CCDC39: variants seen among roughly 807,000 people sequenced by gnomAD.
CCDC39 encodes the protein coiled-coil domain-containing protein 39.
CCDC39 carries 113 observed loss-of-function variants against 121.0 expected under a neutral mutation model. The ratio of observed to expected loss-of-function variants is 0.93; its 90% CI spans 0.80 to 1.09. CCDC39 has a LOEUF of 1.09. Among genes scored for constraint, CCDC39 ranks in the 50% least tolerant of loss-of-function variants. The probability of loss-of-function intolerance (pLI) is 0.00; values close to 1 mark genes in which losing one functional copy is unlikely to be tolerated. For missense variants in CCDC39, 1,063 were observed against 1,074.7 expected, an observed-to-expected ratio of 0.99 and a Z score of 0.15; for synonymous variants, 349 against 352.2, an observed-to-expected ratio of 0.99 and a Z score of 0.10.
chr3:180,653,789 G>A (rs371609828), intron 7 of CCDC39, among the ~76,000 whole-genome samples: 5 of 152,108 alleles, frequency 3.3e-5, no homozygotes, highest in East Asian at 3.8e-4. Flanking sequence ...AAAATCTACG[G>A]ATGTGTAGGT....
rs768508195 is a variant in CCDC39 at position 180,631,600 on chromosome 3, GA to G, written c.1875-9del. On this transcript the variant is annotated splice_polypyrimidine_tract_variant and intron_variant, in intron 13 of 19. Coordinates refer to ENST00000476379, the MANE Select transcript of CCDC39 (RefSeq NM_181426.2). ...CGCTCGCGAAACTCAGTGCTAATAA[GA>G]AAAAGAAACACTGAGAAATGAATAA... 3.8e-6 allele frequency: 6 copies of G among 1,596,870 alleles called. No homozygotes were observed. The highest frequency in any genetic ancestry group is 4.3e-6 in the Non-Finnish European group (5 of 1,175,438).
At chr3:180,616,120 TAA>T (rs1390483258) in intron 19 of CCDC39, among the ~76,000 whole-genome samples, 159 bp downstream of exon 19, 1 of 152,226 alleles carries the variant, frequency 6.6e-6, no homozygotes, top group Non-Finnish European at 1.5e-5. Flanking sequence ...TTTCTGCATC[TAA>T]TCTATATGAT....
In CCDC39 at chr3:180,678,967, GA is replaced by G. The variant is rs372640694; in HGVS notation, c.90+323del. Among the ~76,000 whole-genome samples, 5 of 152,190 alleles carry G rather than the reference GA, an allele frequency of 3.3e-5. No homozygotes were observed. The East Asian group carries it at 9.7e-4, about 29-fold the overall frequency. On this transcript the variant is annotated intron_variant, in intron 1 of 19. Coordinates refer to ENST00000476379, the MANE Select transcript of CCDC39 (RefSeq NM_181426.2). ...AGTAGCTCTTTAATTTTTGAGCAAG[GA>G]AAAAGCGGGCGCCGGAACCAGCCTT...
At chr3:180,645,737 T>C (rs1718053257) in intron 11 of CCDC39, among the ~76,000 whole-genome samples, 2 of 152,284 alleles carry the variant, frequency 1.3e-5, no homozygotes, top group South Asian at 4.1e-4. Context: ...CAGCTCTTCA[T>C]AATGACCAAA....
rs77277134 is a variant in CCDC39, at chr3:180,626,806, T to C, written c.1998+4663A>G. Among the ~76,000 whole-genome samples, 1,239 of 152,260 alleles carry C rather than the reference T, an allele frequency of 8.1e-3. 57 individuals carry two copies. The East Asian group carries it at 0.13, about 16-fold the overall frequency. On this transcript the variant is annotated intron_variant, in intron 14 of 19. Coordinates refer to ENST00000476379, the MANE Select transcript of CCDC39 (RefSeq NM_181426.2). Reference sequence around the variant, plus strand: ...CAGTAGCAAGGTCGTGGGAATTGTCTTAGGGGTGCACTGGAGTGCTTGGTC... The same window carrying C: ...CAGTAGCAAGGTCGTGGGAATTGTCCTAGGGGTGCACTGGAGTGCTTGGTC...
At chr3:180,655,942 G>T (rs1209690639) in intron 6 of CCDC39, among the ~76,000 whole-genome samples, 2 of 152,106 alleles carry the variant, frequency 1.3e-5, no homozygotes, top group African/African-American at 2.4e-5. Context: ...CCAAAATGAG[G>T]TCCTTCCAAA....
At chr3:180,637,863 G>C (rs929073906) in intron 13 of CCDC39, among the ~76,000 whole-genome samples, 1 of 152,170 alleles carries the variant, frequency 6.6e-6, no homozygotes, top group South Asian at 2.1e-4. Context: ...TCACTTATAA[G>C]TGGGAGCTAA....
intron 13 of CCDC39, among the ~76,000 whole-genome samples, chr3:180,633,435 G>C (rs1017976794): frequency 6.6e-6 from 1 of 152,142 alleles, no homozygotes; most frequent in Non-Finnish European, 1.5e-5. Flanking sequence ...AAGATGGGCT[G>C]CTATGAAAAT....
At chr3:180,641,119 G>T (rs1368411576) in intron 13 of CCDC39, among the ~76,000 whole-genome samples, 1 of 152,036 alleles carries the variant, frequency 6.6e-6, no homozygotes, top group Non-Finnish European at 1.5e-5. Flanking sequence ...AGGTTGGTTT[G>T]ACTTTGAAAA....
intron 3 of CCDC39, among the ~76,000 whole-genome samples, chr3:180,661,128 T>C (rs1375528106): frequency 6.6e-6 from 1 of 152,018 alleles, no homozygotes; most frequent in East Asian, 1.9e-4. Context: ...CAAGTATCCT[T>C]CAGCCCCATT....
chr3:180,614,654 T>C lies in CCDC39; in HGVS notation c.*267A>G, dbSNP rs958975891. The stretch of plus-strand genomic sequence containing the variant: ...AATGAAGCAAACTATTTTCTAACAC[T>C]ACGAACATCAGAATTACAGTGAAAT... On this transcript the variant is annotated 3_prime_UTR_variant, in exon 20 of 20. Transcript: ENST00000476379. 1.5e-5 allele frequency: 5 copies of C among 338,546 alleles called. No individual in the cohort carries two copies. Among genetic ancestry groups the C allele is most frequent in the Admixed American group, 9.6e-5 (2 of 20,880 alleles). 21.0% of individuals were successfully genotyped at this position (338,546 alleles called of 1,614,324 possible). A position where few individuals can be genotyped will look rare whatever the true frequency, so the allele number is the denominator to read the frequency against.
intron 12 of CCDC39, among the ~76,000 whole-genome samples, chr3:180,642,976 T>A (rs966176485): frequency 3.3e-5 from 5 of 151,712 alleles, no homozygotes; most frequent in Non-Finnish European, 5.9e-5. Flanking sequence ...TTTTTTTTTT[T>A]TGAGACGGAG....
chr3:180,662,684 T>A (rs1711771700), intron 2 of CCDC39, among the ~76,000 whole-genome samples: 2 of 152,176 alleles, frequency 1.3e-5, no homozygotes, highest in East Asian at 1.9e-4. Context: ...CTCAGTAGTT[T>A]AACAACTTAA....
At chr3:180,670,525 T>C (rs1391711025) in intron 1 of CCDC39, among the ~76,000 whole-genome samples, 2 of 152,038 alleles carry the variant, frequency 1.3e-5, no homozygotes, top group East Asian at 3.9e-4. Context: ...TATTCAGAGG[T>C]CCACACTTTT....
In CCDC39 at chr3:180,663,916, G is replaced by A; in HGVS notation, c.161C>T (p.Ser54Phe). Residue 54 changes from serine to phenylalanine, a missense_variant, in exon 2 of 20, where the codon TCT becomes TTT. Transcript: ENST00000476379. ...ELREYEERIN[S>F]MTSHFKNVKQ... Reference sequence around the variant, plus strand: ...AACATTTTTGAAGTGAGAAGTCATAGAATTAATTCGCTCTTCATACTCACG... The same window carrying A: ...AACATTTTTGAAGTGAGAAGTCATAAAATTAATTCGCTCTTCATACTCACG... The A allele has an allele frequency of 6.2e-7, 1 of 1,611,896 alleles. No individual in the cohort carries two copies. Among genetic ancestry groups the A allele is most frequent in the Non-Finnish European group, 8.5e-7 (1 of 1,178,742 alleles).
At chr3:180,651,175 A>G (rs1166374615) in intron 9 of CCDC39, among the ~76,000 whole-genome samples, 1 of 152,038 alleles carries the variant, frequency 6.6e-6, no homozygotes, top group Non-Finnish European at 1.5e-5. Context: ...AGCCTGGGCA[A>G]CAAGAGCCAG....
chr3:180,635,499 G>C (rs1717803909), intron 13 of CCDC39, among the ~76,000 whole-genome samples: 1 of 152,166 alleles, frequency 6.6e-6, no homozygotes, highest in Admixed American at 6.5e-5. Context: ...AGATACAATG[G>C]GGGTACAGGC....
At chr3:180,656,171 A>G (rs895051683) in intron 6 of CCDC39, among the ~76,000 whole-genome samples, 1 of 152,230 alleles carries the variant, frequency 6.6e-6, no homozygotes, top group African/African-American at 2.4e-5. Flanking sequence ...ACACGTCAAA[A>G]CTTCCTAAGT....
chr3:180,664,015 AAAGTCCTAT>A (rs749221925), intron 1 of CCDC39, 29 bp from the exon 2 acceptor site: 2 of 1,593,728 alleles, frequency 1.3e-6, no homozygotes, highest in African/African-American at 2.7e-5. Context: ...ATGATTAACC[AAAGTCCTAT>A]TAAGTTTTAC....
Sources: gnomAD v4.1 joint callset for allele counts (sites outside exome capture counted in the v4.1 genomes callset) on GRCh38, gnomAD v4.1.1 for gene constraint, MANE v1.5 for transcripts, NCBI Gene and HGNC (gene_info 2026-07-23, HGNC 2026-07-21) for gene names.